Variants in IER5L observed in about 807,000 individuals in gnomAD.
IER5L encodes immediate early response gene 5-like protein.
IER5L carries 6 observed loss-of-function variants against 28.3 expected under a neutral mutation model. The observed-to-expected ratio is 0.21, with a 90% confidence interval of 0.12 to 0.42. The LOEUF (loss-of-function observed/expected upper bound fraction) is 0.42. IER5L is among the 10% of genes least tolerant of loss of function. IER5L has a pLI of 1.00. For missense variants in IER5L, 607 were observed against 575.2 expected (o/e 1.06, Z -0.56); for synonymous variants, 351 against 282.5 (o/e 1.24, Z -2.43).
Position 129,177,840 on chromosome 9 carries a change from C to G in IER5L, c.213G>C (p.Gln71His). Residue 71 changes from glutamine (Q) to histidine (H), a missense_variant, in exon 1 of 1, where the codon CAG becomes CAC. Coordinates refer to ENST00000372491, the MANE Select transcript of IER5L (RefSeq NM_203434.3). The stretch of plus-strand genomic sequence containing the variant: ...GCGCCGCGTACGCTAGGTGCTGGTG[C>G]TGGTGGTGGGGCGGCTGCTGCTGTT... ...QQQQQQPPHH[Q>H]HQHLAYAAPG... The G allele has an allele frequency of 6.5e-7, 1 of 1,537,502 alleles. No homozygotes were observed. Among genetic ancestry groups the G allele is most frequent in the Non-Finnish European group, 8.7e-7 (1 of 1,143,084 alleles).
Position 129,177,730 on chromosome 9 carries a change from C to T in IER5L, c.323G>A (p.Arg108Gln), listed in dbSNP as rs1829435335. ...CTGGTGGAGCTGGTGCAGCTGGTGCCGGGCGGCCGGCTCGCGCGCCTCCGC... is the reference window on the plus strand; with the variant it reads ...CTGGTGGAGCTGGTGCAGCTGGTGCTGGGCGGCCGGCTCGCGCGCCTCCGC... Reference protein sequence around the residue: ...GDAEAREPAARHQLHQLHQLH... With the variant: ...GDAEAREPAAQHQLHQLHQLH... Residue 108 changes from arginine (R) to glutamine (Q), a missense_variant, in exon 1 of 1, where the codon CGG becomes CAG. Coordinates refer to ENST00000372491, the MANE Select transcript of IER5L (RefSeq NM_203434.3). 5 of 1,444,722 alleles carry T rather than the reference C, an allele frequency of 3.5e-6. No homozygotes were observed. The highest frequency in any genetic ancestry group is 4.5e-6 in the Non-Finnish European group (5 of 1,103,700). The allele number at this position is 1,444,722 out of a possible 1,614,324, so 89.5% of individuals were successfully genotyped here.
At position 129,178,152 on chromosome 9, in the gene IER5L, G is replaced by A. The variant is rs1107185; in HGVS notation, c.-100C>T. ...CGGCCGCCGGGGCGCGCCGGGCAGG[G>A]GTAACGGAGTCCGGGTCAGAGGTTC... On this transcript the variant is annotated 5_prime_UTR_variant, in exon 1 of 1. Coordinates refer to ENST00000372491, the MANE Select transcript of IER5L (RefSeq NM_203434.3). 9.5e-7 allele frequency: 1 copy of A among 1,049,326 alleles called. No homozygotes were observed. Among genetic ancestry groups the A allele is most frequent in the Admixed American group, 4.1e-5 (1 of 24,340 alleles). 65.0% of individuals were successfully genotyped at this position (1,049,326 alleles called of 1,614,324 possible).
Position 129,177,092 on chromosome 9 carries a change from G to A in IER5L, c.961C>T (p.Leu321=). The change falls in exon 1 of 1, where the codon CTG becomes TTG. Residue 321 remains leucine (L), a synonymous_variant. Transcript: ENST00000372491. ...EEDDEEDAGG[L]GAEPPGGAPF... is the part of the protein sequence containing the mutation. ...GCGCCCCCGGGGGGCTCGGCCCCCA[G>A]CCCGCCCGCATCCTCCTCGTCGTCT... 2.1e-6 allele frequency: 3 copies of A among 1,463,212 alleles called. No individual in the cohort carries two copies. The highest frequency in any genetic ancestry group is 2.7e-6 in the Non-Finnish European group (3 of 1,109,114). 90.6% of individuals were successfully genotyped at this position (1,463,212 alleles called of 1,614,324 possible). A position where few individuals can be genotyped will look rare whatever the true frequency, so the allele number is the denominator to read the frequency against.
At position 129,177,102 on chromosome 9, in the gene IER5L, A is replaced by ATCCTCCTCGTCGTCT. The variant is rs1234569448; in HGVS notation, c.936_950dup (p.Glu312_Glu316dup). ...GGGGCTCGGCCCCCAGCCCGCCCGCATCCTCCTCGTCGTCTTCCTCCTCCT... is the reference window on the plus strand; with the variant it reads ...GGGGCTCGGCCCCCAGCCCGCCCGCATCCTCCTCGTCGTCTTCCTCCTCGTCGTCTTCCTCCTCCT... On this transcript the variant is annotated inframe_insertion, in exon 1 of 1. Coordinates refer to ENST00000372491, the MANE Select transcript of IER5L (RefSeq NM_203434.3). The ATCCTCCTCGTCGTCT allele has an allele frequency of 1.4e-6, 2 of 1,459,770 alleles. No homozygotes were observed. Among genetic ancestry groups the ATCCTCCTCGTCGTCT allele is most frequent in the Non-Finnish European group, 1.8e-6 (2 of 1,107,932 alleles). 90.4% of individuals were successfully genotyped at this position (1,459,770 alleles called of 1,614,324 possible).
In IER5L at chr9:129,177,613, G is replaced by C. The variant is rs1829432821; in HGVS notation, c.440C>G (p.Ala147Gly). The C allele has an allele frequency of 7.4e-6, 8 of 1,076,736 alleles. No individual in the cohort carries two copies. The South Asian group carries it at 3.5e-4, about 46-fold the overall frequency. The allele number at this position is 1,076,736 out of a possible 1,614,324, so 66.7% of individuals were successfully genotyped here. A position where few individuals can be genotyped will look rare whatever the true frequency, so the allele number is the denominator to read the frequency against. The part of the protein sequence containing the change: ...CAAAAAAGAP[A>G]GGAGALSELP... ...CTCCGAGAGCGCCCCCGCGCCGCCC[G>C]CGGGCGCTCCGGCCGCCGCCGCCGC... The change falls in exon 1 of 1, where the codon GCG (alanine) becomes GGG (glycine). Residue 147 changes from alanine (A) to glycine (G), a missense_variant. Ala to Gly is a moderately conservative substitution (Grantham distance 60, BLOSUM62 0). Transcript: ENST00000372491.
chr9:129,177,702 G>GAGCTGGTGGAGCTGGTGC lies in IER5L; in HGVS notation c.333_350dup (p.Gln116_His121dup), dbSNP rs1306572553. 7.1e-7 allele frequency: 1 copy of GAGCTGGTGGAGCTGGTGC among 1,406,218 alleles called. No homozygotes were observed. The highest frequency in any genetic ancestry group is 9.3e-7 in the Non-Finnish European group (1 of 1,080,638). The allele number at this position is 1,406,218 out of a possible 1,614,324, so 87.1% of individuals were successfully genotyped here. A position where few individuals can be genotyped will look rare whatever the true frequency, so the allele number is the denominator to read the frequency against. ...GCTGCTGCTGGAGGTGCAGCTGGTGGAGCTGGTGGAGCTGGTGCAGCTGGT... is the reference window on the plus strand; with the variant it reads ...GCTGCTGCTGGAGGTGCAGCTGGTGGAGCTGGTGGAGCTGGTGCAGCTGGTGGAGCTGGTGCAGCTGGT... On this transcript the variant is annotated inframe_insertion, in exon 1 of 1. Transcript: ENST00000372491.
Position 129,177,023 on chromosome 9 carries a change from G to A in IER5L, c.1030C>T (p.Pro344Ser). The A allele has an allele frequency of 6.3e-7, 1 of 1,582,546 alleles. No homozygotes were observed. The highest frequency in any genetic ancestry group is 8.6e-7 in the Non-Finnish European group (1 of 1,165,742). Residue 344 changes from proline (P) to serine (S), a missense_variant, in exon 1 of 1, where the codon CCG (proline) becomes TCG (serine). Coordinates refer to ENST00000372491, the MANE Select transcript of IER5L (RefSeq NM_203434.3). ...TTGGACGCGTCCGGGGACGAGTCCGGGCAGAAGTCCTCGAAGCGGGCGCGC... is the reference window on the plus strand; with the variant it reads ...TTGGACGCGTCCGGGGACGAGTCCGAGCAGAAGTCCTCGAAGCGGGCGCGC... ...CKRARFEDFC[P>S]DSSPDASNIS...
chr9:129,177,673 T>C lies in IER5L; in HGVS notation c.380A>G (p.His127Arg), dbSNP rs1168045208. 6.4e-6 allele frequency: 9 copies of C among 1,398,632 alleles called. No homozygotes were observed. Among genetic ancestry groups the C allele is most frequent in the Non-Finnish European group, 8.3e-6 (9 of 1,078,008 alleles). The allele number at this position is 1,398,632 out of a possible 1,614,324, so 86.6% of individuals were successfully genotyped here. A position where few individuals can be genotyped will look rare whatever the true frequency, so the allele number is the denominator to read the frequency against. ...CCTGGGCGCCGGGTGCTGGTGCTGG[T>C]GCAGCTGCTGCTGGAGGTGCAGCTG... ...LHQLHLQQQLHQHQHPAPRGC... is the reference protein window; with the variant it reads ...LHQLHLQQQLRQHQHPAPRGC... The change falls in exon 1 of 1, where the codon CAC becomes CGC. Residue 127 changes from histidine (H) to arginine (R), a missense_variant. Coordinates refer to ENST00000372491, the MANE Select transcript of IER5L (RefSeq NM_203434.3).
At position 129,177,091 on chromosome 9, in the gene IER5L, A is replaced by G. The variant is rs1400909937; in HGVS notation, c.962T>C (p.Leu321Pro). The part of the protein sequence containing the change: ...EEDDEEDAGG[L>P]GAEPPGGAPF... ...GGCGCCCCCGGGGGGCTCGGCCCCC[A>G]GCCCGCCCGCATCCTCCTCGTCGTC... is the stretch of plus-strand genomic sequence containing the variant. The change falls in exon 1 of 1, where the codon CTG (leucine) becomes CCG (proline). Residue 321 changes from leucine (L) to proline (P), a missense_variant. Leu to Pro is a moderately conservative substitution (Grantham distance 98). Coordinates refer to ENST00000372491, the MANE Select transcript of IER5L (RefSeq NM_203434.3). 3 of 1,462,792 alleles carry G rather than the reference A, an allele frequency of 2.1e-6. No individual in the cohort carries two copies. Among genetic ancestry groups the G allele is most frequent in the Non-Finnish European group, 2.7e-6 (3 of 1,109,046 alleles). 90.6% of individuals were successfully genotyped at this position (1,462,792 alleles called of 1,614,324 possible). A position where few individuals can be genotyped will look rare whatever the true frequency, so the allele number is the denominator to read the frequency against.
chr9:129,178,006 C>G lies in IER5L; in HGVS notation c.47G>C (p.Arg16Pro). Reference protein sequence around the residue: ...DAQSLISISLRKIHSSRTQRG... With the variant: ...DAQSLISISLPKIHSSRTQRG... The stretch of plus-strand genomic sequence containing the variant: ...CTGGGTTCGGGAGCTGTGGATCTTG[C>G]GCAGGGAGATGCTGATCAGGCTCTG... Residue 16 changes from arginine (R) to proline (P), a missense_variant, in exon 1 of 1, where the codon CGC becomes CCC. Coordinates refer to ENST00000372491, the MANE Select transcript of IER5L (RefSeq NM_203434.3). 1.3e-6 allele frequency: 2 copies of G among 1,567,288 alleles called. No homozygotes were observed. The highest frequency in any genetic ancestry group is 1.7e-6 in the Non-Finnish European group (2 of 1,158,598).
Position 129,177,120 on chromosome 9 carries a change from C to A in IER5L, c.933G>T (p.Glu311Asp). The A allele has an allele frequency of 6.9e-7, 1 of 1,456,374 alleles. No individual in the cohort carries two copies. Among genetic ancestry groups the A allele is most frequent in the Non-Finnish European group, 9.0e-7 (1 of 1,105,976 alleles). 90.2% of individuals were successfully genotyped at this position (1,456,374 alleles called of 1,614,324 possible). The change falls in exon 1 of 1, where the codon GAG becomes GAT. Residue 311 changes from glutamate to aspartate, a missense_variant. Physicochemically the swap from Glu to Asp is conservative, Grantham distance 45. Transcript: ENST00000372491. ...CGCCCGCATCCTCCTCGTCGTCTTC[C>A]TCCTCCTCCTGGCCAGGGTAATACT... ...KRKYYPGQEEEEDDEEDAGGL... is the reference protein window; with the variant it reads ...KRKYYPGQEEDEDDEEDAGGL...
Position 129,178,227 on chromosome 9 carries a change from GCTCGCGCTC to G in IER5L, c.-184_-176del, listed in dbSNP as rs1829446005. ...ACCATGCGCCGCGCGCCACCCGCGG[GCTCGCGCTC>G]CCCAGACGGCGCCAAAGCAATGAGT... On this transcript the variant is annotated 5_prime_UTR_variant, in exon 1 of 1. Transcript: ENST00000372491. The G allele has an allele frequency of 2.0e-6, 1 of 493,660 alleles. No individual in the cohort carries two copies. Among genetic ancestry groups the G allele is most frequent in the South Asian group, 5.5e-5 (1 of 18,030 alleles). The allele number at this position is 493,660 out of a possible 1,614,324, so 30.6% of individuals were successfully genotyped here.
chr9:129,176,177 G>A lies in IER5L; in HGVS notation c.*661C>T, dbSNP rs1829392449. ...GGAGCCAGAGGGGCGGGGAGAAGAG[G>A]GGTTCAAGACACCCGCCCCGGGAAG... On this transcript the variant is annotated 3_prime_UTR_variant, in exon 1 of 1. Transcript: ENST00000372491. 6.6e-6 allele frequency: 1 copy of A among 151,986 alleles called. No individual in the cohort carries two copies. The highest frequency in any genetic ancestry group is 1.5e-5 in the Non-Finnish European group (1 of 67,992). The allele number at this position is 151,986 out of a possible 1,614,324, so 9.4% of individuals were successfully genotyped here. A position where few individuals can be genotyped will look rare whatever the true frequency, so the allele number is the denominator to read the frequency against.
Position 129,176,957 on chromosome 9 carries a change from C to T in IER5L, c.1096G>A (p.Gly366Arg). Reference protein sequence around the residue: ...LISIFGSGFSGLVSRQPDSSE... With the variant: ...LISIFGSGFSRLVSRQPDSSE... ...GAGTCCGGCTGTCGGCTCACCAGCC[C>T]CGAGAAGCCGGAGCCAAAGATGGAG... Residue 366 changes from glycine to arginine, a missense_variant, in exon 1 of 1, where the codon GGG (glycine) becomes AGG (arginine). Gly to Arg is a moderately radical substitution (Grantham distance 125). Transcript: ENST00000372491. 6.2e-7 allele frequency: 1 copy of T among 1,604,144 alleles called. No homozygotes were observed. The highest frequency in any genetic ancestry group is 1.1e-5 in the South Asian group (1 of 89,938).
At position 129,177,362 on chromosome 9, in the gene IER5L, A is replaced by C. The variant is rs866919408; in HGVS notation, c.691T>G (p.Ser231Ala). 6.8e-6 allele frequency: 7 copies of C among 1,026,450 alleles called. No homozygotes were observed. The African/African-American group carries it at 7.2e-5, about 11-fold the overall frequency. The allele number at this position is 1,026,450 out of a possible 1,614,324, so 63.6% of individuals were successfully genotyped here. ...ASPPASPAPA[S>A]SPGFYRGAYP... is the part of the protein sequence containing the mutation. ...GCGCCCCGGTAGAAGCCGGGGGAGGAGGCGGGGGCCGGGGAGGCGGGCGGA... is the reference window on the plus strand; with the variant it reads ...GCGCCCCGGTAGAAGCCGGGGGAGGCGGCGGGGGCCGGGGAGGCGGGCGGA... Residue 231 changes from serine (S) to alanine (A), a missense_variant, in exon 1 of 1, where the codon TCC becomes GCC. Physicochemically the swap from Ser to Ala is moderately conservative, Grantham distance 99. Transcript: ENST00000372491.
In IER5L at chr9:129,176,831, G is replaced by A. The variant is rs764693733; in HGVS notation, c.*7C>T. 3 of 1,576,788 alleles carry A rather than the reference G, an allele frequency of 1.9e-6. No individual in the cohort carries two copies. Among genetic ancestry groups the A allele is most frequent in the Middle Eastern group, 2.2e-4 (1 of 4,632 alleles). ...GGGGCCCCGGGTCCCTGTGCCCTCG[G>A]GGGTCCCTAGAAGGCGACAATGGCT... On this transcript the variant is annotated 3_prime_UTR_variant, in exon 1 of 1. Coordinates refer to ENST00000372491, the MANE Select transcript of IER5L (RefSeq NM_203434.3).
chr9:129,177,734 C>A lies in IER5L; in HGVS notation c.319G>T (p.Ala107Ser), dbSNP rs756122560. ...GGDAEAREPA[A>S]RHQLHQLHQL... ...TGGAGCTGGTGCAGCTGGTGCCGGG[C>A]GGCCGGCTCGCGCGCCTCCGCGTCC... Residue 107 changes from alanine (A) to serine (S), a missense_variant, in exon 1 of 1, where the codon GCC becomes TCC. Ala to Ser is a moderately conservative substitution (Grantham distance 99). Transcript: ENST00000372491. 3 of 1,445,092 alleles carry A rather than the reference C, an allele frequency of 2.1e-6. No homozygotes were observed. Among genetic ancestry groups the A allele is most frequent in the African/African-American group, 1.5e-5 (1 of 67,098 alleles). 89.5% of individuals were successfully genotyped at this position (1,445,092 alleles called of 1,614,324 possible).
In IER5L at chr9:129,177,786, G is replaced by T. The variant is rs745425156; in HGVS notation, c.267C>A (p.Phe89Leu). ...APGMPASAAD[F>L]GPLQLGGGGD... is the part of the protein sequence containing the mutation. ...CGCCGCCGCCAAGTTGGAGCGGGCC[G>T]AAGTCGGCCGCGCTGGCCGGCATGC... Residue 89 changes from phenylalanine to leucine, a missense_variant, in exon 1 of 1, where the codon TTC becomes TTA. Transcript: ENST00000372491. 4.0e-6 allele frequency: 6 copies of T among 1,489,662 alleles called. No homozygotes were observed. The South Asian group carries it at 7.6e-5, about 19-fold the overall frequency. 92.3% of individuals were successfully genotyped at this position (1,489,662 alleles called of 1,614,324 possible). A position where few individuals can be genotyped will look rare whatever the true frequency, so the allele number is the denominator to read the frequency against.
rs1829431783 is a variant in IER5L, at chr9:129,177,560, G to A, written c.493C>T (p.Pro165Ser). The change falls in exon 1 of 1, where the codon CCG becomes TCG. Residue 165 changes from proline to serine, a missense_variant. Pro to Ser is a moderately conservative substitution (Grantham distance 74). Transcript: ENST00000372491. ...ELPGCAALQP[P>S]HGAPHRGQPL... ...TGCCCGCGGTGGGGCGCGCCGTGCG[G>A]CGGCTGGAGCGCGGCGCACCCGGGC... The A allele has an allele frequency of 1.0e-6, 1 of 981,638 alleles. No homozygotes were observed. The highest frequency in any genetic ancestry group is 1.2e-6 in the Non-Finnish European group (1 of 828,754). The allele number at this position is 981,638 out of a possible 1,614,324, so 60.8% of individuals were successfully genotyped here.
Sources: gnomAD v4.1 joint callset for allele counts on GRCh38, gnomAD v4.1.1 for gene constraint, MANE v1.5 for transcripts, NCBI Gene and HGNC (gene_info 2026-07-23, HGNC 2026-07-21) for gene names.